Variants in ANTXR2 observed in about 807,000 individuals in gnomAD.
ANTXR2 encodes the protein ANTXR cell adhesion molecule 2.
In ANTXR2, 44 loss-of-function variants were observed where a neutral mutation model predicts 73.7. The ratio of observed to expected loss-of-function variants is 0.60; its 90% CI spans 0.47 to 0.77. The LOEUF is 0.77. ANTXR2 is among the 30% of genes least tolerant of loss of function. The pLI is 0.00. For missense variants in ANTXR2, 604 were observed against 592.5 expected (o/e 1.02, Z -0.20); for synonymous variants, 217 against 205.9 (o/e 1.05, Z -0.46).
intron 7 of ANTXR2, among the ~76,000 whole-genome samples, chr4:80,041,369 A>C (rs549767697): frequency 6.6e-6 from 1 of 152,198 alleles, no homozygotes; most frequent in East Asian, 1.9e-4. Context: ...AAAACAATCT[A>C]AAATCTGGCT....
intron 12 of ANTXR2, 109 bp downstream of exon 12, chr4:80,008,412 T>C (rs1731410776): frequency 4.0e-6 from 3 of 756,552 alleles, no homozygotes; most frequent in Non-Finnish European, 6.2e-6. Flanking sequence ...AAATTCATTT[T>C]GCAAACTGAA....
chr4:79,919,382 C>T (rs558706761), intron 16 of ANTXR2, among the ~76,000 whole-genome samples: 6 of 152,176 alleles, frequency 3.9e-5, no homozygotes, highest in South Asian at 2.1e-4. Flanking sequence ...TGAATGTCAA[C>T]TTGATTGGAT....
chr4:80,053,453 T>C (rs1212041683), intron 7 of ANTXR2, among the ~76,000 whole-genome samples: 1 of 151,722 alleles, frequency 6.6e-6, no homozygotes, highest in African/African-American at 2.4e-5. Context: ...CTAAACAACA[T>C]GATCTTTAAA....
intron 10 of ANTXR2, among the ~76,000 whole-genome samples, chr4:80,024,458 A>G (rs910618478): frequency 1.3e-5 from 2 of 152,206 alleles, no homozygotes; most frequent in African/African-American, 4.8e-5. Flanking sequence ...GTATCCTCCA[A>G]CCATGATAAA....
At chr4:79,923,045 A>G (rs572535105) in intron 16 of ANTXR2, among the ~76,000 whole-genome samples, 1 of 151,996 alleles carries the variant, frequency 6.6e-6, no homozygotes, top group African/African-American at 2.4e-5. Context: ...TTTCACTATC[A>G]TTTAACAAGT....
At position 79,978,044 on chromosome 4, in the gene ANTXR2, T is replaced by A; in HGVS notation, c.1310A>T (p.His437Leu). ...GTACCATTTTGTCTGAGGAGGCTGGTGTGTGGGTTTGGGTCGAGGTGGTCT... is the reference window on the plus strand; with the variant it reads ...GTACCATTTTGTCTGAGGAGGCTGGAGTGTGGGTTTGGGTCGAGGTGGTCT... Reference protein sequence around the residue: ...RPRPPRPKPTHQPPQTKWYTP... With the variant: ...RPRPPRPKPTLQPPQTKWYTP... The change falls in exon 15 of 17, where the codon CAC (histidine) becomes CTC (leucine). Residue 437 changes from histidine (H) to leucine (L), a missense_variant. Physicochemically the swap from His to Leu is moderately conservative, Grantham distance 99. Transcript: ENST00000403729. 1 of 1,609,530 alleles carries A rather than the reference T, an allele frequency of 6.2e-7. No individual in the cohort carries two copies. Among genetic ancestry groups the A allele is most frequent in the Non-Finnish European group, 8.5e-7 (1 of 1,178,584 alleles).
At chr4:79,981,444 T>C in intron 14 of ANTXR2, among the ~76,000 whole-genome samples, 1 of 152,236 alleles carries the variant, frequency 6.6e-6, no homozygotes, top group East Asian at 1.9e-4. Flanking sequence ...TGTGTATTTA[T>C]GGTATATTTT....
intron 7 of ANTXR2, among the ~76,000 whole-genome samples, chr4:80,036,527 A>C (rs564511385): frequency 2.8e-4 from 43 of 152,256 alleles, no homozygotes; most frequent in African/African-American, 1.0e-3. Context: ...CTGACTGTGC[A>C]CAGTGGCTCA....
rs1729391686 is a variant in ANTXR2 at position 79,966,925 on chromosome 4, G to T, written c.1428+10696C>A. Among the ~76,000 whole-genome samples, 2 of 24,302 alleles carry T rather than the reference G, an allele frequency of 8.2e-5. 1 individual carries two copies. Among genetic ancestry groups the T allele is most frequent in the Non-Finnish European group, 4.2e-4 (2 of 4,752 alleles). 15.9% of individuals were successfully genotyped at this position (24,302 alleles called of 152,430 possible). A position where few individuals can be genotyped will look rare whatever the true frequency, so the allele number is the denominator to read the frequency against. On this transcript the variant is annotated intron_variant, in intron 16 of 16. Coordinates refer to ENST00000403729, the MANE Select transcript of ANTXR2 (RefSeq NM_058172.6). ...GGGCGTCCGGGGAGGAGCCAAGATG[G>T]CCGAATAGGAACAGCTCAGGTCTAC...
At position 80,002,755 on chromosome 4, in the gene ANTXR2, T is replaced by C. The variant is rs1023485579; in HGVS notation, c.1041+5766A>G. Among the ~76,000 whole-genome samples the C allele has an allele frequency of 3.9e-4, 59 of 151,918 alleles. 1 individual carries two copies. The highest frequency in any genetic ancestry group is 1.3e-3 in the African/African-American group (53 of 41,434). ...CCTATCAAAAAGTGGGTGAAGGACA[T>C]GAACAGACACTTCTCAAAAGAAGAC... On this transcript the variant is annotated intron_variant, in intron 12 of 16. Transcript: ENST00000403729.
chr4:80,020,010 T>C (rs1732081321), intron 10 of ANTXR2, among the ~76,000 whole-genome samples: 1 of 152,190 alleles, frequency 6.6e-6, no homozygotes, highest in Admixed American at 6.5e-5. Context: ...AGAGGGTTTG[T>C]ATGGAAAGAG....
Position 79,977,893 on chromosome 4 carries a change from G to A in ANTXR2, c.1347+114C>T, listed in dbSNP as rs1729707629. On this transcript the variant is annotated intron_variant, in intron 15 of 16. Coordinates refer to ENST00000403729, the MANE Select transcript of ANTXR2 (RefSeq NM_058172.6). Reference sequence around the variant, plus strand: ...TATTCAGCTGTTAAGAGTGTACAATGAATATCTGCAATTTCATCTACCCTC... The same window carrying A: ...TATTCAGCTGTTAAGAGTGTACAATAAATATCTGCAATTTCATCTACCCTC... 6 of 1,309,748 alleles carry A rather than the reference G, an allele frequency of 4.6e-6. No homozygotes were observed. In the South Asian group the frequency reaches 9.0e-5, roughly 20 times the overall value. 81.1% of individuals were successfully genotyped at this position (1,309,748 alleles called of 1,614,324 possible).
At chr4:80,048,126 T>C (rs1324312415) in intron 7 of ANTXR2, among the ~76,000 whole-genome samples, 1 of 151,510 alleles carries the variant, frequency 6.6e-6, no homozygotes, top group Non-Finnish European at 1.5e-5. Flanking sequence ...CAGAGGTTAA[T>C]TTTTAATGCT....
chr4:79,981,429 A>G (rs1268926767), intron 14 of ANTXR2, among the ~76,000 whole-genome samples: 1 of 152,152 alleles, frequency 6.6e-6, no homozygotes, highest in Non-Finnish European at 1.5e-5. Context: ...CTTGTATATT[A>G]CGTTTGTGTA....
At chr4:79,987,259 A>G (rs553395159) in intron 12 of ANTXR2, among the ~76,000 whole-genome samples, 2 of 147,756 alleles carry the variant, frequency 1.4e-5, no homozygotes, top group South Asian at 4.7e-4. Flanking sequence ...CTGGAAAATG[A>G]CATTGCCATT....
chr4:79,988,284 C>A (rs1730290325), intron 12 of ANTXR2, among the ~76,000 whole-genome samples: 2 of 107,382 alleles, frequency 1.9e-5, no homozygotes, highest in South Asian at 2.8e-4. Context: ...TATATGTAGG[C>A]TGAAAGTAAA....
intron 7 of ANTXR2, among the ~76,000 whole-genome samples, chr4:80,037,755 T>C (rs1733045509): frequency 6.6e-6 from 1 of 152,076 alleles, no homozygotes; most frequent in South Asian, 2.1e-4. Context: ...AACAAGACTC[T>C]GAAGGAAATA....
At chr4:79,919,498 G>A (rs1727481457) in intron 16 of ANTXR2, among the ~76,000 whole-genome samples, 1 of 151,986 alleles carries the variant, frequency 6.6e-6, no homozygotes, top group Admixed American at 6.6e-5. Context: ...TCTCAATCTG[G>A]GTTGTCACCA....
intron 16 of ANTXR2, among the ~76,000 whole-genome samples, chr4:79,957,718 C>A (rs1023385002): frequency 4.6e-5 from 7 of 151,960 alleles, no homozygotes; most frequent in Non-Finnish European, 1.0e-4. Flanking sequence ...CCCCTTGAAG[C>A]CATTTTTTGT....
Sources: allele counts gnomAD v4.1 joint callset (sites outside exome capture counted in the v4.1 genomes callset), GRCh38; gene constraint gnomAD v4.1.1; transcripts MANE v1.5; gene names NCBI Gene and HGNC (gene_info 2026-07-23, HGNC 2026-07-21).